Variants in GPC6 observed in about 807,000 individuals in gnomAD.
GPC6 encodes the protein glypican-6.
In GPC6, 14 loss-of-function variants were observed where a neutral mutation model predicts 55.2. That is an observed-to-expected ratio of 0.25 (90% CI 0.17 to 0.40). GPC6 has a LOEUF of 0.40. GPC6 is among the 10% of genes least tolerant of loss of function. The probability of loss-of-function intolerance (pLI) is 1.00; values close to 1 mark genes in which losing one functional copy is unlikely to be tolerated. For missense variants in GPC6, 641 were observed against 708.5 expected (o/e 0.90, Z 1.08); for synonymous variants, 278 against 259.6 (o/e 1.07, Z -0.68).
At chr13:93,877,240 C>T (rs184224630) in intron 3 of GPC6, among the ~76,000 whole-genome samples, 62 of 152,014 alleles carry the variant, frequency 4.1e-4, no homozygotes, top group South Asian at 6.2e-4. Context: ...CATATGGATA[C>T]GGCCTATTTT....
chr13:93,583,425 T>TC (rs1386243019), intron 2 of GPC6, among the ~76,000 whole-genome samples: 2 of 151,608 alleles, frequency 1.3e-5, no homozygotes, highest in Non-Finnish European at 2.9e-5. Flanking sequence ...TTTATTTTAT[T>TC]TTTTTTCTTT....
At chr13:93,833,458 A>G (rs1374104796) in intron 3 of GPC6, among the ~76,000 whole-genome samples, 4 of 152,166 alleles carry the variant, frequency 2.6e-5, no homozygotes, top group Non-Finnish European at 5.9e-5. Context: ...TGGTCTATTA[A>G]TTGAGTGATT....
chr13:93,826,162 A>T (rs1887240721), intron 2 of GPC6, among the ~76,000 whole-genome samples: 1 of 152,042 alleles, frequency 6.6e-6, no homozygotes, highest in Non-Finnish European at 1.5e-5. Context: ...ACCCGGCCGG[A>T]TGTCAGCTTT....
At chr13:93,840,740 G>A (rs1250375207) in intron 3 of GPC6, among the ~76,000 whole-genome samples, 1 of 152,050 alleles carries the variant, frequency 6.6e-6, no homozygotes, top group Non-Finnish European at 1.5e-5. Flanking sequence ...ACTTCCCTGG[G>A]ACCGTGGAAA....
intron 2 of GPC6, among the ~76,000 whole-genome samples, chr13:93,600,121 A>G (rs1162022463): frequency 1.3e-5 from 2 of 152,234 alleles, no homozygotes; most frequent in Non-Finnish European, 2.9e-5. Context: ...GCCACCTTCC[A>G]TCTACTATGT....
chr13:94,003,754 T>C (rs1881905331), intron 3 of GPC6, among the ~76,000 whole-genome samples: 1 of 152,176 alleles, frequency 6.6e-6, no homozygotes, highest in Non-Finnish European at 1.5e-5. Context: ...CAATCAGTTC[T>C]AATGACCATG....
chr13:94,363,419 C>T (rs1879147251), intron 6 of GPC6, among the ~76,000 whole-genome samples: 1 of 152,160 alleles, frequency 6.6e-6, no homozygotes, highest in Non-Finnish European at 1.5e-5. Flanking sequence ...CAGTTCTTTC[C>T]TGCTGTACTT....
intron 1 of GPC6, among the ~76,000 whole-genome samples, chr13:93,431,479 A>G (rs945311617): frequency 6.6e-6 from 1 of 152,178 alleles, no homozygotes; most frequent in African/African-American, 2.4e-5. Flanking sequence ...AAGATAAACA[A>G]CTTTATGTAA....
intron 4 of GPC6, among the ~76,000 whole-genome samples, chr13:94,247,630 T>A (rs1891235362): frequency 6.6e-6 from 1 of 152,168 alleles, no homozygotes; most frequent in Non-Finnish European, 1.5e-5. Flanking sequence ...TCATTCAGTC[T>A]GTTAATGCAA....
Position 93,564,611 on chromosome 13 carries a change from G to A in GPC6, c.319+19190G>A, listed in dbSNP as rs116041665. On this transcript the variant is annotated intron_variant, in intron 2 of 8. Transcript: ENST00000377047. ...TCAATTTAAAAGTGACCATGTTCACGTCAAAACCAATGTTAAAGCACTTCT... is the reference window on the plus strand; with the variant it reads ...TCAATTTAAAAGTGACCATGTTCACATCAAAACCAATGTTAAAGCACTTCT... Among the ~76,000 whole-genome samples the A allele has an allele frequency of 4.9e-3, 739 of 152,226 alleles. 7 individuals carry two copies. The highest frequency in any genetic ancestry group is 0.017 in the African/African-American group (688 of 41,546).
At chr13:93,606,371 T>C (rs1246290298) in intron 2 of GPC6, among the ~76,000 whole-genome samples, 1 of 152,388 alleles carries the variant, frequency 6.6e-6, no homozygotes, top group East Asian at 1.9e-4. Context: ...AAAGATGGTT[T>C]TTGATAGCTC....
chr13:93,880,846 AT>A (rs1309297714), intron 3 of GPC6, among the ~76,000 whole-genome samples: 2 of 150,504 alleles, frequency 1.3e-5, no homozygotes, highest in African/African-American at 4.9e-5. Flanking sequence ...AATTTAAAAA[AT>A]AAATAAATAA....
intron 3 of GPC6, among the ~76,000 whole-genome samples, chr13:94,017,079 C>G (rs1026731385): frequency 3.3e-5 from 5 of 152,142 alleles, no homozygotes; most frequent in African/African-American, 9.7e-5. Flanking sequence ...GTGATCCACC[C>G]GCCTTGGCCT....
At chr13:93,475,239 C>G (rs542794687) in intron 1 of GPC6, among the ~76,000 whole-genome samples, 1 of 152,270 alleles carries the variant, frequency 6.6e-6, no homozygotes, top group East Asian at 1.9e-4. Context: ...AGCAAGAACA[C>G]CTCTATTTAA....
intron 1 of GPC6, among the ~76,000 whole-genome samples, chr13:93,316,426 A>C (rs1879250815): frequency 6.6e-6 from 1 of 152,102 alleles, no homozygotes; most frequent in Non-Finnish European, 1.5e-5. Context: ...TATTTCCTTA[A>C]TTTCAAGGAG....
intron 1 of GPC6, among the ~76,000 whole-genome samples, chr13:93,398,414 A>T (rs1875944374): frequency 1.3e-5 from 2 of 152,100 alleles, no homozygotes; most frequent in Admixed American, 6.6e-5. Context: ...TACAAACTCC[A>T]CTTGTCTTTT....
intron 2 of GPC6, among the ~76,000 whole-genome samples, chr13:93,730,202 T>C (rs1455314930): frequency 6.6e-6 from 1 of 152,136 alleles, no homozygotes; most frequent in South Asian, 2.1e-4. Context: ...CAACTTTCTC[T>C]GATTTCTCTC....
chr13:93,429,821 C>T (rs192617148), intron 1 of GPC6, among the ~76,000 whole-genome samples: 34 of 152,102 alleles, frequency 2.2e-4, no homozygotes, highest in African/African-American at 7.2e-4. Context: ...GTGCCTTGAC[C>T]CACATGAAAT....
intron 1 of GPC6, among the ~76,000 whole-genome samples, chr13:93,495,555 C>T (rs887818026): frequency 5.6e-4 from 75 of 133,110 alleles, no homozygotes; most frequent in African/African-American, 1.6e-3. Flanking sequence ...AGCTTTGTTC[C>T]GTTGCTGGTG....
Sources: allele counts gnomAD v4.1 joint callset (sites outside exome capture counted in the v4.1 genomes callset), GRCh38; gene constraint gnomAD v4.1.1; transcripts MANE v1.5; gene names NCBI Gene and HGNC (gene_info 2026-07-23, HGNC 2026-07-21).